PLA2R1: variants seen among roughly 807,000 people sequenced by gnomAD.
PLA2R1 encodes the protein phospholipase A2 receptor 1.
Under a neutral mutation model 195.9 loss-of-function variants are expected in PLA2R1, and 158 were observed. That is an observed-to-expected ratio of 0.81 (90% CI 0.71 to 0.92). The LOEUF is 0.92. Ranked by LOEUF, PLA2R1 falls within the 40% of genes least tolerant of loss-of-function variation. The pLI is 0.00. For synonymous variants in PLA2R1, 586 were observed against 598.2 expected (o/e 0.98, Z 0.30); for missense variants, 1,626 against 1,764.6 (o/e 0.92, Z 1.41).
intron 6 of PLA2R1, among the ~76,000 whole-genome samples, chr2:160,025,587 G>GAAAAAAAAAAAAAA (rs1693455459): frequency 1.1e-4 from 1 of 8,898 alleles, no homozygotes; most frequent in Admixed American, 1.3e-3. Flanking sequence ...TAACCATAAA[G>GAAAAAAAAAAAAAA]CAAAAAAAAA....
chr2:159,926,106 C>G, the PLA2R1 span, among the ~76,000 whole-genome samples: 1 of 152,188 alleles, frequency 6.6e-6, no homozygotes, highest in Non-Finnish European at 1.5e-5. Flanking sequence ...ACACCAGTAT[C>G]AACAAAGCAC....
Position 160,022,711 on chromosome 2 carries a change from T to C in PLA2R1, c.1248A>G (p.Ile416Met). 7 of 1,612,998 alleles carry C rather than the reference T, an allele frequency of 4.3e-6. No homozygotes were observed. Among genetic ancestry groups the C allele is most frequent in the Non-Finnish European group, 5.9e-6 (7 of 1,179,434 alleles). ...CQADNSALID[I>M]TSLAEVEFLV... is the part of the protein sequence containing the mutation. Reference sequence around the variant, plus strand: ...GAAACTCCACCTCTGCTAATGAGGTTATGTCTATTAATGCACTGTTATCAG... The same window carrying C: ...GAAACTCCACCTCTGCTAATGAGGTCATGTCTATTAATGCACTGTTATCAG... Residue 416 changes from isoleucine to methionine, a missense_variant, in exon 7 of 30, where the codon ATA (isoleucine) becomes ATG (methionine). Transcript: ENST00000283243.
intron 14 of PLA2R1, among the ~76,000 whole-genome samples, chr2:159,978,353 TG>T (rs1266562194): frequency 2.0e-5 from 3 of 152,182 alleles, no homozygotes; most frequent in African/African-American, 7.2e-5. Flanking sequence ...AAAAAAAGGA[TG>T]TTTTAAAATC....
At chr2:160,050,275 A>C (rs75535068) in intron 1 of PLA2R1, among the ~76,000 whole-genome samples, 2,412 of 152,256 alleles carry the variant, frequency 0.016, 59 homozygotes, top group African/African-American at 0.056. Context: ...CTGAGCGGGG[A>C]GTGTGCACAC....
At chr2:159,977,506 A>G in intron 14 of PLA2R1, 90 bp from the exon 15 acceptor site, 2 of 1,071,012 alleles carry the variant, frequency 1.9e-6, no homozygotes, top group Non-Finnish European at 2.7e-6. Flanking sequence ...CATAAGCATT[A>G]TAGGCTACTC....
chr2:159,971,457 TGCACACGTGTGTGCGC>T (rs1053600367), intron 17 of PLA2R1, among the ~76,000 whole-genome samples: 5 of 151,912 alleles, frequency 3.3e-5, no homozygotes, highest in Non-Finnish European at 1.5e-5. Flanking sequence ...TGCATGCATG[TGCACACGTGTGTGCGC>T]GCACACACAC....
intron 28 of PLA2R1, among the ~76,000 whole-genome samples, chr2:159,944,628 T>C (rs941482819): frequency 1.3e-5 from 2 of 152,186 alleles, no homozygotes; most frequent in African/African-American, 2.4e-5. Flanking sequence ...TCTATTTGCT[T>C]GAGGGAAAAT....
chr2:159,982,187 G>A (rs187298388), intron 13 of PLA2R1, among the ~76,000 whole-genome samples: 31 of 152,330 alleles, frequency 2.0e-4, no homozygotes, highest in South Asian at 4.1e-4. Flanking sequence ...GGAAGCTAAA[G>A]TAATGAAGCA....
intron 2 of PLA2R1, among the ~76,000 whole-genome samples, chr2:160,042,695 AG>A (rs1694593399): frequency 6.6e-6 from 1 of 152,158 alleles, no homozygotes; most frequent in Non-Finnish European, 1.5e-5. Flanking sequence ...TCAAGGAGAG[AG>A]AAAGAGAAAG....
At chr2:159,985,709 C>T (rs144982442) in intron 12 of PLA2R1, among the ~76,000 whole-genome samples, 334 of 152,264 alleles carry the variant, frequency 2.2e-3, no homozygotes, top group African/African-American at 7.8e-3. Flanking sequence ...TGTTGGTTTA[C>T]AAACAATATG....
intron 1 of PLA2R1, among the ~76,000 whole-genome samples, chr2:160,060,130 G>A (rs992280122): frequency 6.6e-6 from 1 of 152,238 alleles, no homozygotes; most frequent in African/African-American, 2.4e-5. Context: ...AATGCTGTAT[G>A]TATAATCTGC....
rs1168006574 is a variant in PLA2R1, at chr2:159,937,609, T to A, written c.*4169A>T. 6.6e-6 allele frequency: 1 copy of A among 152,236 alleles called. No individual in the cohort carries two copies. Among genetic ancestry groups the A allele is most frequent in the African/African-American group, 2.4e-5 (1 of 41,458 alleles). 9.4% of individuals were successfully genotyped at this position (152,236 alleles called of 1,614,324 possible). A position where few individuals can be genotyped will look rare whatever the true frequency, so the allele number is the denominator to read the frequency against. Reference sequence around the variant, plus strand: ...CTTCTGGATAACATAAGATGTTAGGTTCTTGGCAACACATGCTTCACTTTG... The same window carrying A: ...CTTCTGGATAACATAAGATGTTAGGATCTTGGCAACACATGCTTCACTTTG... On this transcript the variant is annotated 3_prime_UTR_variant, in exon 30 of 30. Coordinates refer to ENST00000283243, the MANE Select transcript of PLA2R1 (RefSeq NM_007366.5).
intron 10 of PLA2R1, among the ~76,000 whole-genome samples, 186 bp downstream of exon 10, chr2:160,013,077 C>G (rs1483366213): frequency 1.3e-5 from 2 of 152,006 alleles, no homozygotes; most frequent in Non-Finnish European, 2.9e-5. Flanking sequence ...ATTTATTACT[C>G]AAAAATCAAT....
intron 1 of PLA2R1, among the ~76,000 whole-genome samples, chr2:160,058,038 T>A (rs11901391): frequency 2.6e-5 from 4 of 151,848 alleles, no homozygotes; most frequent in Non-Finnish European, 5.9e-5. Flanking sequence ...TGAGCCCCAG[T>A]GGTCTGTGGT....
At chr2:160,050,803 G>T (rs1695169453) in intron 1 of PLA2R1, among the ~76,000 whole-genome samples, 1 of 152,196 alleles carries the variant, frequency 6.6e-6, no homozygotes, top group African/African-American at 2.4e-5. Flanking sequence ...GTGCCATGAG[G>T]TTGGAGTCTA....
intron 24 of PLA2R1, among the ~76,000 whole-genome samples, chr2:159,950,485 CTG>C (rs1347806532): frequency 1.3e-5 from 2 of 152,156 alleles, no homozygotes; most frequent in East Asian, 1.9e-4. Context: ...TTGTTTATAA[CTG>C]TGAAAAACTG....
intron 3 of PLA2R1, among the ~76,000 whole-genome samples, chr2:160,036,013 C>G (rs1567535): frequency 1.6e-3 from 238 of 152,140 alleles, no homozygotes; most frequent in African/African-American, 5.1e-3. Context: ...CTGGCTGCCC[C>G]CTTTCAGTCT....
chr2:159,975,390 T>G (rs903911372), intron 17 of PLA2R1, among the ~76,000 whole-genome samples: 1 of 152,216 alleles, frequency 6.6e-6, no homozygotes, highest in African/African-American at 2.4e-5. Context: ...CAGTTTATTA[T>G]TTAATAGGTC....
chr2:160,056,278 G>A (rs973218622), intron 1 of PLA2R1, among the ~76,000 whole-genome samples: 1 of 152,196 alleles, frequency 6.6e-6, no homozygotes, highest in Non-Finnish European at 1.5e-5. Flanking sequence ...TTATACATAT[G>A]TAGACCTATA....
Sources: allele counts gnomAD v4.1 joint callset (sites outside exome capture counted in the v4.1 genomes callset), GRCh38; gene constraint gnomAD v4.1.1; transcripts MANE v1.5; gene names NCBI Gene and HGNC (gene_info 2026-07-23, HGNC 2026-07-21).